Variants in FAM168A observed in about 807,000 individuals in gnomAD.
FAM168A encodes protein FAM168A.
FAM168A carries 3 observed loss-of-function variants against 28.5 expected under a neutral mutation model. The observed-to-expected ratio is 0.11, with a 90% CI of 0.05 to 0.27. FAM168A has a LOEUF of 0.27. FAM168A is among the 10% of genes least tolerant of loss of function. FAM168A has a pLI of 1.00. For synonymous variants in FAM168A, 122 were observed against 124.2 expected (o/e 0.98, Z 0.12); for missense variants, 222 against 311.5 (o/e 0.71, Z 2.16).
At chr11:73,447,919 A>G (rs920895405) in intron 2 of FAM168A, among the ~76,000 whole-genome samples, 1 of 152,244 alleles carries the variant, frequency 6.6e-6, no homozygotes. Flanking sequence ...AATTCAGGCA[A>G]GTTACTTCCA....
At chr11:73,591,702 A>G (rs1944383978) in intron 1 of FAM168A, among the ~76,000 whole-genome samples, 1 of 152,076 alleles carries the variant, frequency 6.6e-6, no homozygotes, top group African/African-American at 2.4e-5. Context: ...TAGAGACTGG[A>G]TCTCACTATG....
chr11:73,445,427 T>C (rs1184057118), intron 2 of FAM168A, among the ~76,000 whole-genome samples: 30 of 101,990 alleles, frequency 2.9e-4, no homozygotes, highest in African/African-American at 1.4e-3. Context: ...CTCTTTTTTT[T>C]TTTTTTTTTT....
intron 2 of FAM168A, among the ~76,000 whole-genome samples, chr11:73,444,907 T>C (rs1193338275): frequency 6.6e-6 from 1 of 152,244 alleles, no homozygotes; most frequent in Non-Finnish European, 1.5e-5. Flanking sequence ...TTCTCTATTT[T>C]TTCTAAAATG....
chr11:73,583,787 G>A (rs566724498), intron 1 of FAM168A, among the ~76,000 whole-genome samples: 42 of 152,198 alleles, frequency 2.8e-4, no homozygotes, highest in Admixed American at 9.2e-4. Flanking sequence ...GAGGTAAAAC[G>A]CACAAGCCAG....
intron 2 of FAM168A, among the ~76,000 whole-genome samples, chr11:73,463,033 A>G (rs534117538): frequency 6.6e-6 from 1 of 151,652 alleles, no homozygotes; most frequent in Non-Finnish European, 1.5e-5. Context: ...CGGTGGCATG[A>G]TCTTGGCTCA....
rs112963659 is a variant in FAM168A, at chr11:73,401,377, C to G, written c.*5386G>C. Reference sequence around the variant, plus strand: ...GTAGCTAGAGGCCTGGCCTTACCCCCCCTGGGTAAGGAGGAGCTTGAGTCA... The same window carrying G: ...GTAGCTAGAGGCCTGGCCTTACCCCGCCTGGGTAAGGAGGAGCTTGAGTCA... On this transcript the variant is annotated 3_prime_UTR_variant, in exon 8 of 8. Transcript: ENST00000356467. 1 of 152,094 alleles carries G rather than the reference C, an allele frequency of 6.6e-6. No individual in the cohort carries two copies. Among genetic ancestry groups the G allele is most frequent in the Non-Finnish European group, 1.5e-5 (1 of 68,018 alleles). The allele number at this position is 152,094 out of a possible 1,614,324, so 9.4% of individuals were successfully genotyped here.
intron 2 of FAM168A, among the ~76,000 whole-genome samples, chr11:73,461,318 A>G (rs1362004628): frequency 1.3e-5 from 2 of 152,032 alleles, no homozygotes; most frequent in Non-Finnish European, 2.9e-5. Flanking sequence ...AGGTCTCGCC[A>G]TGTTGCTCAG....
At chr11:73,582,172 T>C (rs1026423136) in intron 1 of FAM168A, among the ~76,000 whole-genome samples, 1 of 152,186 alleles carries the variant, frequency 6.6e-6, no homozygotes, top group Non-Finnish European at 1.5e-5. Flanking sequence ...AGTGATTATT[T>C]TTGCTTGCTA....
At chr11:73,585,006 G>T (rs908714638) in intron 1 of FAM168A, among the ~76,000 whole-genome samples, 1 of 151,808 alleles carries the variant, frequency 6.6e-6, no homozygotes, top group South Asian at 2.1e-4. Flanking sequence ...AGAGTCAAAG[G>T]TCATACCATA....
At chr11:73,443,673 T>G (rs1275271476) in intron 2 of FAM168A, among the ~76,000 whole-genome samples, 2 of 152,214 alleles carry the variant, frequency 1.3e-5, no homozygotes, top group African/African-American at 4.8e-5. Context: ...ACAGTGGCGC[T>G]TCATTTATAG....
At chr11:73,457,746 A>AAAAAAAAAAAAG (rs1555022721) in intron 2 of FAM168A, among the ~76,000 whole-genome samples, 3 of 138,414 alleles carry the variant, frequency 2.2e-5, no homozygotes, top group African/African-American at 9.0e-5. Context: ...AAAAAAAAAA[A>AAAAAAAAAAAAG]AAAAGAAAAG....
intron 3 of FAM168A, among the ~76,000 whole-genome samples, chr11:73,425,216 A>G (rs12288753): frequency 5.9e-5 from 9 of 152,048 alleles, no homozygotes; most frequent in Admixed American, 2.6e-4. Context: ...GGTGACAGAC[A>G]TGTCATCTGG....
At chr11:73,409,417 A>G in intron 6 of FAM168A, 70 bp downstream of exon 6, 1 of 1,591,234 alleles carries the variant, frequency 6.3e-7, no homozygotes, top group Non-Finnish European at 8.6e-7. Flanking sequence ...CAATTCTATG[A>G]CTGTGTTCTC....
intron 1 of FAM168A, among the ~76,000 whole-genome samples, chr11:73,597,083 C>A (rs1005475331): frequency 6.6e-6 from 1 of 152,044 alleles, no homozygotes; most frequent in East Asian, 1.9e-4. Flanking sequence ...TAAATCCAAC[C>A]CACTGTGCCC....
At chr11:73,478,229 C>T (rs1404069968) in intron 1 of FAM168A, among the ~76,000 whole-genome samples, 1 of 152,058 alleles carries the variant, frequency 6.6e-6, no homozygotes, top group African/African-American at 2.4e-5. Context: ...ATTTAATCCC[C>T]AAAGCAACCA....
chr11:73,586,474 CCA>C (rs1227530143), intron 1 of FAM168A, among the ~76,000 whole-genome samples: 4 of 152,070 alleles, frequency 2.6e-5, no homozygotes, highest in African/African-American at 7.2e-5. Flanking sequence ...AAAAATATGG[CCA>C]CATACACACA....
At chr11:73,490,498 T>G (rs1380839840) in intron 1 of FAM168A, among the ~76,000 whole-genome samples, 1 of 152,168 alleles carries the variant, frequency 6.6e-6, no homozygotes, top group Non-Finnish European at 1.5e-5. Context: ...TAAATTACCT[T>G]CTCAACCTTT....
chr11:73,589,303 A>G (rs1944353155), intron 1 of FAM168A, among the ~76,000 whole-genome samples: 1 of 152,204 alleles, frequency 6.6e-6, no homozygotes, highest in Non-Finnish European at 1.5e-5. Context: ...ATGGATTTTA[A>G]TGTAACAGAG....
intron 2 of FAM168A, among the ~76,000 whole-genome samples, chr11:73,431,780 G>A (rs74781983): frequency 0.014 from 2,173 of 152,184 alleles, 17 homozygotes; most frequent in Middle Eastern, 0.037. Flanking sequence ...GGTAAAATAC[G>A]TGTAATATAA....
Sources: allele counts gnomAD v4.1 joint callset (sites outside exome capture counted in the v4.1 genomes callset), GRCh38; gene constraint gnomAD v4.1.1; transcripts MANE v1.5; gene names NCBI Gene and HGNC (gene_info 2026-07-23, HGNC 2026-07-21).